QRFPR: variants seen among roughly 807,000 people sequenced by gnomAD.
QRFPR encodes the protein pyroglutamylated RFamide peptide receptor, also known as pyroglutamylated RF-amide peptide receptor.
A neutral mutation model predicts 31.3 loss-of-function variants in QRFPR; 37 were observed. The observed-to-expected ratio is 1.18, with a 90% confidence interval of 0.91 to 1.56. The LOEUF (loss-of-function observed/expected upper bound fraction) is 1.56, where lower values mean the gene tolerates loss of function less well. Ranked by LOEUF, QRFPR falls within the 40% of genes most tolerant of loss-of-function variation. The pLI, the probability that QRFPR is intolerant of heterozygous loss-of-function variation, is 0.00. For synonymous variants in QRFPR, 197 were observed against 192.0 expected, an observed-to-expected ratio of 1.03 and a Z score of -0.22; for missense variants, 542 against 532.5, an observed-to-expected ratio of 1.02 and a Z score of -0.18.
intron 4 of QRFPR, 129 bp from the exon 5 acceptor site, chr4:121,330,652 T>A (rs957454467): frequency 4.6e-6 from 3 of 650,928 alleles, no homozygotes; most frequent in Non-Finnish European, 8.2e-6. Context: ...CACGATAGGT[T>A]ATTCGTGGGC....
chr4:121,366,191 C>G (rs1210114091), intron 1 of QRFPR, among the ~76,000 whole-genome samples: 1 of 149,880 alleles, frequency 6.7e-6, no homozygotes, highest in Admixed American at 6.6e-5. Flanking sequence ...AAACCCAACA[C>G]TGAAGCAGAC....
intron 3 of QRFPR, among the ~76,000 whole-genome samples, chr4:121,336,303 AG>A (rs1419125080): frequency 1.3e-5 from 2 of 152,142 alleles, no homozygotes; most frequent in African/African-American, 2.4e-5. Context: ...TGTCTGACAA[AG>A]GTGTGGGGAA....
At chr4:121,370,663 G>A (rs531169221) in intron 1 of QRFPR, among the ~76,000 whole-genome samples, 49 of 152,256 alleles carry the variant, frequency 3.2e-4, no homozygotes, top group South Asian at 1.7e-3. Context: ...AACACTACCC[G>A]ACGTTTACAG....
chr4:121,380,877 C>G lies in QRFPR; in HGVS notation c.-230G>C. Reference sequence around the variant, plus strand: ...CGGGAAGCCAAAGCACTGGGAGACTCGATCTCAGTGACCAAAAAATGTTCG... The same window carrying G: ...CGGGAAGCCAAAGCACTGGGAGACTGGATCTCAGTGACCAAAAAATGTTCG... On this transcript the variant is annotated 5_prime_UTR_variant, in exon 1 of 6. Transcript: ENST00000394427. The G allele has an allele frequency of 2.0e-6, 1 of 501,962 alleles. No individual in the cohort carries two copies. Among genetic ancestry groups the G allele is most frequent in the Non-Finnish European group, 3.5e-6 (1 of 286,818 alleles). The allele number at this position is 501,962 out of a possible 1,614,324, so 31.1% of individuals were successfully genotyped here. A position where few individuals can be genotyped will look rare whatever the true frequency, so the allele number is the denominator to read the frequency against.
intron 1 of QRFPR, among the ~76,000 whole-genome samples, chr4:121,342,485 C>A (rs531710252): frequency 5.3e-5 from 8 of 152,224 alleles, no homozygotes; most frequent in African/African-American, 1.9e-4. Context: ...TGAGGCTGAC[C>A]TACTCTAACA....
chr4:121,374,828 C>T (rs775305172), intron 1 of QRFPR, among the ~76,000 whole-genome samples: 119 of 152,196 alleles, frequency 7.8e-4, no homozygotes, highest in African/African-American at 2.7e-3. Flanking sequence ...CCCAACGATG[C>T]TGCCATTACT....
At chr4:121,353,339 G>A (rs569517355) in intron 1 of QRFPR, among the ~76,000 whole-genome samples, 1 of 152,168 alleles carries the variant, frequency 6.6e-6, no homozygotes, top group East Asian at 1.9e-4. Context: ...CACCAACAGT[G>A]TATGAGGTTT....
At chr4:121,347,641 C>A (rs553819925) in intron 1 of QRFPR, among the ~76,000 whole-genome samples, 2 of 152,256 alleles carry the variant, frequency 1.3e-5, no homozygotes, top group South Asian at 2.1e-4. Context: ...TCTTGCCCCC[C>A]ACTTGTGAGA....
At chr4:121,366,297 A>T (rs911600051) in intron 1 of QRFPR, among the ~76,000 whole-genome samples, 2 of 149,874 alleles carry the variant, frequency 1.3e-5, no homozygotes, top group Non-Finnish European at 3.0e-5. Context: ...TAAAGGCTAC[A>T]AATTCCATTA....
intron 1 of QRFPR, among the ~76,000 whole-genome samples, chr4:121,379,852 G>A (rs1726436822): frequency 6.6e-6 from 1 of 152,132 alleles, no homozygotes; most frequent in Non-Finnish European, 1.5e-5. Flanking sequence ...GAGGAAATGA[G>A]ATTTTTAACT....
At chr4:121,332,032 C>T (rs145407276) in intron 4 of QRFPR, among the ~76,000 whole-genome samples, 21 of 152,250 alleles carry the variant, frequency 1.4e-4, no homozygotes, top group African/African-American at 3.9e-4. Flanking sequence ...TCCCAAGGTG[C>T]GGACAGTCTA....
chr4:121,338,887 T>G (rs17051338), intron 2 of QRFPR, among the ~76,000 whole-genome samples: 11,724 of 152,294 alleles, frequency 0.077, 543 homozygotes, highest in Non-Finnish European at 0.1. Flanking sequence ...TCCTTTTAAA[T>G]AACTCCCCTC....
intron 2 of QRFPR, among the ~76,000 whole-genome samples, chr4:121,339,156 T>C (rs1725492467): frequency 6.6e-6 from 1 of 152,240 alleles, no homozygotes; most frequent in African/African-American, 2.4e-5. Context: ...CACAGCCCAA[T>C]ACTGGCTAAA....
In QRFPR at chr4:121,370,662, C is replaced by T. The variant is rs531140153; in HGVS notation, c.340+9646G>A. Among the ~76,000 whole-genome samples, 10 of 152,232 alleles carry T rather than the reference C, an allele frequency of 6.6e-5. No homozygotes were observed. The South Asian group carries it at 1.0e-3, about 16-fold the overall frequency. ...CCAGGACTCACTAGGCAACACTACC[C>T]GACGTTTACAGATTTTAAATGCATC... is the stretch of plus-strand genomic sequence containing the variant. On this transcript the variant is annotated intron_variant, in intron 1 of 5. Transcript: ENST00000394427.
chr4:121,365,519 ATATATATT>A (rs1726082605), intron 1 of QRFPR, among the ~76,000 whole-genome samples: 2 of 2,846 alleles, frequency 7.0e-4, no homozygotes, highest in Non-Finnish European at 9.5e-4. Flanking sequence ...AATATATATT[ATATATATT>A]ATATATAATA....
chr4:121,369,579 G>C, intron 1 of QRFPR: 2 of 1,611,136 alleles, frequency 1.2e-6, no homozygotes, highest in Non-Finnish European at 1.7e-6. Context: ...GCCTGGGCAC[G>C]GATCAGTTCC....
At chr4:121,347,801 T>C (rs1725686414) in intron 1 of QRFPR, among the ~76,000 whole-genome samples, 2 of 152,152 alleles carry the variant, frequency 1.3e-5, no homozygotes, top group African/African-American at 2.4e-5. Flanking sequence ...CTTGGCCTAC[T>C]TTTTAATTAT....
chr4:121,331,175 G>GTTTTT (rs397995185), intron 4 of QRFPR, among the ~76,000 whole-genome samples: 3 of 69,036 alleles, frequency 4.3e-5, no homozygotes, highest in African/African-American at 2.0e-4. Context: ...TATATCTTGG[G>GTTTTT]TTTTTTTTTT....
intron 1 of QRFPR, among the ~76,000 whole-genome samples, chr4:121,364,947 C>T (rs1726062313): frequency 6.7e-6 from 1 of 149,674 alleles, no homozygotes; most frequent in South Asian, 2.1e-4. Flanking sequence ...CATTCATGGC[C>T]CAGCCCTGGA....
Sources: allele counts gnomAD v4.1 joint callset (sites outside exome capture counted in the v4.1 genomes callset), GRCh38; gene constraint gnomAD v4.1.1; transcripts MANE v1.5; gene names NCBI Gene and HGNC (gene_info 2026-07-23, HGNC 2026-07-21).